The following SPTLC1 variants were observed in gnomAD, a reference collection of about 807,000 sequenced individuals.
SPTLC1 encodes the protein serine palmitoyltransferase long chain base subunit 1.
SPTLC1 carries 55 observed loss-of-function variants against 68.9 expected under a neutral mutation model. The observed-to-expected ratio is 0.80, with a 90% CI of 0.64 to 1.00. The LOEUF is 1.00. SPTLC1 is among the 50% of genes least tolerant of loss of function. The pLI, the probability that SPTLC1 is intolerant of heterozygous loss-of-function variation, is 0.00. For synonymous variants in SPTLC1, 197 were observed against 201.6 expected (o/e 0.98, Z 0.19); for missense variants, 449 against 573.1 (o/e 0.78, Z 2.21).
rs1354171427 is a variant in SPTLC1 at position 92,109,039 on chromosome 9, T to C, written c.166-205A>G. 4.4e-5 allele frequency: 29 copies of C among 660,982 alleles called. No individual in the cohort carries two copies. In the Middle Eastern group the frequency reaches 2.5e-3, roughly 57 times the overall value. The allele number at this position is 660,982 out of a possible 1,614,324, so 40.9% of individuals were successfully genotyped here. On this transcript the variant is annotated intron_variant, in intron 2 of 14. Coordinates refer to ENST00000262554, the MANE Select transcript of SPTLC1 (RefSeq NM_006415.4). Reference sequence around the variant, plus strand: ...TGACCCACCAGACACATGCCTACCATAGAGTTGTACCTAGCCCTTGACCAC... The same window carrying C: ...TGACCCACCAGACACATGCCTACCACAGAGTTGTACCTAGCCCTTGACCAC...
At chr9:92,088,734 G>A (rs1199094289) in intron 3 of SPTLC1, among the ~76,000 whole-genome samples, 1 of 152,222 alleles carries the variant, frequency 6.6e-6, no homozygotes, top group Non-Finnish European at 1.5e-5. Context: ...GTGATGTAGG[G>A]ATACTATTTC....
chr9:92,063,523 T>C (rs1834175272), intron 6 of SPTLC1, among the ~76,000 whole-genome samples: 1 of 152,136 alleles, frequency 6.6e-6, no homozygotes, highest in African/African-American at 2.4e-5. Flanking sequence ...GAAGTGTTAT[T>C]CTGCTACCAA....
intron 8 of SPTLC1, 175 bp downstream of exon 8, chr9:92,055,230 G>C: frequency 5.1e-6 from 5 of 985,438 alleles, no homozygotes; most frequent in Non-Finnish European, 6.0e-6. Context: ...ATTACTCTTT[G>C]AAGGCCAGCA....
At chr9:92,072,658 A>AT (rs1045723589) in intron 5 of SPTLC1, among the ~76,000 whole-genome samples, 23 of 150,150 alleles carry the variant, frequency 1.5e-4, no homozygotes, top group South Asian at 8.4e-4. Context: ...TAAACGTCTA[A>AT]TTTTTTTTTT....
chr9:92,088,154 C>A (rs543187239), intron 3 of SPTLC1, among the ~76,000 whole-genome samples: 4 of 152,238 alleles, frequency 2.6e-5, no homozygotes, highest in Admixed American at 1.3e-4. Context: ...TCTGTCACCC[C>A]TTTCTTTGAC....
intron 3 of SPTLC1, among the ~76,000 whole-genome samples, chr9:92,098,571 T>C (rs1835626005): frequency 6.6e-6 from 1 of 151,702 alleles, no homozygotes; most frequent in Non-Finnish European, 1.5e-5. Flanking sequence ...ATATTGTGCA[T>C]ATTGAAAAAA....
chr9:92,112,379 C>T (rs1836279535), intron 2 of SPTLC1, 76 bp downstream of exon 2: 4 of 1,079,918 alleles, frequency 3.7e-6, no homozygotes, highest in Non-Finnish European at 4.3e-6. Context: ...GGTTGAGCCA[C>T]CACAAATCCT....
chr9:92,085,941 A>C (rs1272525499), intron 3 of SPTLC1, among the ~76,000 whole-genome samples: 1 of 151,918 alleles, frequency 6.6e-6, no homozygotes, highest in East Asian at 1.9e-4. Context: ...TTGGGTGCAT[A>C]TATATTTAGG....
At chr9:92,099,073 C>T (rs1835647713) in intron 3 of SPTLC1, among the ~76,000 whole-genome samples, 1 of 152,068 alleles carries the variant, frequency 6.6e-6, no homozygotes, top group African/African-American at 2.4e-5. Context: ...TAACATTGGC[C>T]CAACTAATGA....
chr9:92,068,554 T>C (rs114725978), intron 5 of SPTLC1, among the ~76,000 whole-genome samples: 196 of 152,360 alleles, frequency 1.3e-3, no homozygotes, highest in African/African-American at 4.4e-3. Context: ...ACCACTCCTC[T>C]AACAATCTGT....
At chr9:92,043,140 A>G (rs1833407485) in intron 12 of SPTLC1, among the ~76,000 whole-genome samples, 2 of 152,162 alleles carry the variant, frequency 1.3e-5, no homozygotes, top group South Asian at 4.1e-4. Context: ...CCAAGTCATA[A>G]TACCTCTACA....
At chr9:92,081,421 A>C (rs1323877969) in intron 3 of SPTLC1, among the ~76,000 whole-genome samples, 1 of 152,200 alleles carries the variant, frequency 6.6e-6, no homozygotes, top group African/African-American at 2.4e-5. Context: ...GAAGCCACTA[A>C]AGAGTAAGTG....
chr9:92,037,722 T>C (rs895650472), intron 13 of SPTLC1, among the ~76,000 whole-genome samples: 30 of 152,174 alleles, frequency 2.0e-4, no homozygotes, highest in African/African-American at 7.2e-4. Flanking sequence ...TAAAGAAATT[T>C]AAATAAATCT....
At chr9:92,064,504 G>A (rs1834215594) in intron 6 of SPTLC1, among the ~76,000 whole-genome samples, 1 of 152,202 alleles carries the variant, frequency 6.6e-6, no homozygotes, top group African/African-American at 2.4e-5. Context: ...TTCATATCTT[G>A]CTGATGGGAA....
chr9:92,057,886 T>C (rs553067818), intron 7 of SPTLC1, among the ~76,000 whole-genome samples: 1 of 152,346 alleles, frequency 6.6e-6, no homozygotes, highest in African/African-American at 2.4e-5. Flanking sequence ...TATTTAATTT[T>C]ACTTCTTGTT....
chr9:92,082,214 G>C (rs1834910142), intron 3 of SPTLC1, among the ~76,000 whole-genome samples: 1 of 151,904 alleles, frequency 6.6e-6, no homozygotes, highest in Non-Finnish European at 1.5e-5. Context: ...TCTTCCCTAA[G>C]GCTTCAAGGG....
intron 12 of SPTLC1, among the ~76,000 whole-genome samples, chr9:92,039,494 G>A (rs1033826955): frequency 3.3e-5 from 5 of 151,906 alleles, no homozygotes; most frequent in East Asian, 1.9e-4. Context: ...GCACGATCTC[G>A]GCTACTATCT....
Position 92,047,542 on chromosome 9 carries a change from A to G in SPTLC1, c.984+71T>C, listed in dbSNP as rs1833559888. The G allele has an allele frequency of 3.7e-6, 4 of 1,072,202 alleles. No individual in the cohort carries two copies. The South Asian group carries it at 5.5e-5, about 15-fold the overall frequency. 66.4% of individuals were successfully genotyped at this position (1,072,202 alleles called of 1,614,324 possible). The stretch of plus-strand genomic sequence containing the variant: ...AAACTAAGTAAAATTTCGTATTTCA[A>G]AATTATATTTTGAGGTGACCAATGG... On this transcript the variant is annotated intron_variant, in intron 10 of 14. Coordinates refer to ENST00000262554, the MANE Select transcript of SPTLC1 (RefSeq NM_006415.4).
rs1158040914 is a variant in SPTLC1 at position 92,049,979 on chromosome 9, G to GTGAC, written c.865_868dup (p.Thr290SerfsTer3). ...ACTTACATTGATTCCATAGTGTTCA[G>GTGAC]TGACTCCTCGGCCATGCTCTCCTAG... On this transcript the variant is annotated frameshift_variant, in exon 9 of 15. Transcript: ENST00000262554. LOFTEE classifies it high-confidence loss of function. 1 of 1,611,730 alleles carries GTGAC rather than the reference G, an allele frequency of 6.2e-7. No individual in the cohort carries two copies. The highest frequency in any genetic ancestry group is 8.5e-7 in the Non-Finnish European group (1 of 1,177,944).
Sources: allele counts gnomAD v4.1 joint callset (sites outside exome capture counted in the v4.1 genomes callset), GRCh38; gene constraint gnomAD v4.1.1; transcripts MANE v1.5; gene names NCBI Gene and HGNC (gene_info 2026-07-23, HGNC 2026-07-21).